The following CDH18 variants were observed in gnomAD, a reference collection of about 807,000 sequenced individuals.
CDH18 encodes cadherin-18.
In CDH18, 31 loss-of-function variants were observed where a neutral mutation model predicts 67.9. That is an observed-to-expected ratio of 0.46 (90% confidence interval 0.34 to 0.62). The LOEUF is 0.62. Among genes scored for constraint, CDH18 ranks in the 20% least tolerant of loss-of-function variants. The probability of loss-of-function intolerance (pLI) is 0.01; values close to 1 mark genes in which losing one functional copy is unlikely to be tolerated. For synonymous variants in CDH18, 362 were observed against 347.2 expected (o/e 1.04, Z -0.48); for missense variants, 890 against 975.5 (o/e 0.91, Z 1.17).
intron 10 of CDH18, among the ~76,000 whole-genome samples, chr5:19,503,565 C>G (rs1037165145): frequency 5.3e-5 from 8 of 151,846 alleles, no homozygotes; most frequent in African/African-American, 1.9e-4. Context: ...TTTCAGGAGG[C>G]CTTCAAGATC....
chr5:19,887,683 C>T (rs1487450302), intron 2 of CDH18, among the ~76,000 whole-genome samples: 1 of 151,542 alleles, frequency 6.6e-6, no homozygotes, highest in Non-Finnish European at 1.5e-5. Context: ...ATCTTCTTGC[C>T]TCAGCCTCCC....
chr5:20,571,920 G>A (rs756586271), intron 1 of CDH18, among the ~76,000 whole-genome samples: 19 of 152,014 alleles, frequency 1.2e-4, no homozygotes, highest in South Asian at 6.2e-4. Context: ...TAAATGCTGC[G>A]TAACCCCTAA....
chr5:19,578,124 G>A (rs949086044), intron 7 of CDH18, among the ~76,000 whole-genome samples: 1 of 152,208 alleles, frequency 6.6e-6, no homozygotes, highest in Admixed American at 6.5e-5. Context: ...CTCCAGGACT[G>A]TGAGACAGCA....
intron 7 of CDH18, among the ~76,000 whole-genome samples, chr5:19,576,447 T>C (rs892817039): frequency 6.6e-6 from 1 of 151,968 alleles, no homozygotes; most frequent in Non-Finnish European, 1.5e-5. Context: ...TTAATAGATA[T>C]TTCTCAAAAA....
chr5:19,692,472 C>T (rs1762025027), intron 5 of CDH18, among the ~76,000 whole-genome samples: 1 of 151,782 alleles, frequency 6.6e-6, no homozygotes, highest in Admixed American at 6.6e-5. Context: ...AAAATATTTG[C>T]AAATTATTTA....
intron 2 of CDH18, among the ~76,000 whole-genome samples, chr5:20,192,599 G>T (rs1738632671): frequency 6.6e-6 from 1 of 151,966 alleles, no homozygotes; most frequent in Non-Finnish European, 1.5e-5. Flanking sequence ...ATCACTTAAT[G>T]AATAGGAGAT....
At chr5:20,310,535 T>G (rs1286783210) in intron 1 of CDH18, among the ~76,000 whole-genome samples, 2 of 152,212 alleles carry the variant, frequency 1.3e-5, no homozygotes, top group African/African-American at 4.8e-5. Context: ...TTGTTGGTCA[T>G]GTGACCTCAG....
At chr5:19,963,528 G>A (rs1276554128) in intron 2 of CDH18, among the ~76,000 whole-genome samples, 1 of 151,866 alleles carries the variant, frequency 6.6e-6, no homozygotes, top group Non-Finnish European at 1.5e-5. Context: ...GTGAGTTCTC[G>A]TGAGATCTGT....
chr5:20,285,438 TATA>T (rs1475824627), intron 1 of CDH18, among the ~76,000 whole-genome samples: 12 of 147,686 alleles, frequency 8.1e-5, no homozygotes, highest in Non-Finnish European at 1.8e-4. Context: ...CATAATATAA[TATA>T]ATAATAAGGC....
At chr5:20,316,175 G>A (rs1405959389) in intron 1 of CDH18, among the ~76,000 whole-genome samples, 2 of 152,042 alleles carry the variant, frequency 1.3e-5, no homozygotes. Flanking sequence ...AGTATATAAT[G>A]ATAACTTTTT....
At chr5:19,479,206 A>G (rs1561149245) in intron 12 of CDH18, among the ~76,000 whole-genome samples, 1 of 152,154 alleles carries the variant, frequency 6.6e-6, no homozygotes, top group East Asian at 1.9e-4. Flanking sequence ...TATTGGCAAA[A>G]CTAGAGCTGG....
chr5:20,403,980 T>C (rs902516678), intron 1 of CDH18, among the ~76,000 whole-genome samples: 3 of 152,236 alleles, frequency 2.0e-5, no homozygotes, highest in Non-Finnish European at 4.4e-5. Flanking sequence ...CTGAATCTTC[T>C]GGATAACTTG....
intron 2 of CDH18, among the ~76,000 whole-genome samples, chr5:20,166,966 A>G (rs1736343745): frequency 6.6e-6 from 1 of 152,188 alleles, no homozygotes; most frequent in African/African-American, 2.4e-5. Flanking sequence ...ATTACCTTTA[A>G]AAATAGTGTA....
At chr5:19,512,322 G>T (rs1561236122) in intron 10 of CDH18, among the ~76,000 whole-genome samples, 1 of 152,084 alleles carries the variant, frequency 6.6e-6, no homozygotes, top group Admixed American at 6.6e-5. Flanking sequence ...CGAAAACAAT[G>T]TCTGATGCAA....
At chr5:20,544,971 T>C (rs1757261394) in intron 1 of CDH18, among the ~76,000 whole-genome samples, 1 of 152,066 alleles carries the variant, frequency 6.6e-6, no homozygotes, top group Non-Finnish European at 1.5e-5. Flanking sequence ...CAAGATACAA[T>C]GGTGGTAAAG....
chr5:20,360,415 G>C (rs924152303), intron 1 of CDH18, among the ~76,000 whole-genome samples: 3 of 152,050 alleles, frequency 2.0e-5, no homozygotes, highest in Non-Finnish European at 1.5e-5. Flanking sequence ...AAGTAAACAC[G>C]TTTGATATGT....
chr5:20,287,650 A>G lies in CDH18; in HGVS notation c.-579-32145T>C, dbSNP rs2974587. On this transcript the variant is annotated intron_variant, in intron 1 of 14. Transcript: ENST00000507958. The stretch of plus-strand genomic sequence containing the variant: ...ATGCTAGCAACACATACACACATAC[A>G]TTGAATCATGATGAGCTGATAACAA... Among the ~76,000 whole-genome samples the G allele has an allele frequency of 5.2e-3, 795 of 151,948 alleles. 10 individuals are homozygous for G. Among genetic ancestry groups the G allele is most frequent in the African/African-American group, 0.018 (758 of 41,524 alleles).
At chr5:19,758,214 G>T (rs1436341966) in intron 3 of CDH18, among the ~76,000 whole-genome samples, 1 of 152,170 alleles carries the variant, frequency 6.6e-6, no homozygotes, top group Non-Finnish European at 1.5e-5. Context: ...ATGGCTAGAT[G>T]GGTCAGAAAG....
chr5:19,685,023 T>A (rs1161236010), intron 5 of CDH18, among the ~76,000 whole-genome samples: 1 of 152,142 alleles, frequency 6.6e-6, no homozygotes, highest in Non-Finnish European at 1.5e-5. Context: ...TTACGTGACA[T>A]GTCCTAACCT....
Sources: allele counts gnomAD v4.1 joint callset (sites outside exome capture counted in the v4.1 genomes callset), GRCh38; gene constraint gnomAD v4.1.1; transcripts MANE v1.5; gene names NCBI Gene and HGNC (gene_info 2026-07-23, HGNC 2026-07-21).